FLOT2: variants seen among roughly 807,000 people sequenced by gnomAD.
FLOT2 encodes flotillin-2.
Under a neutral mutation model 54.9 loss-of-function variants are expected in FLOT2, and 35 were observed. The ratio of observed to expected loss-of-function variants is 0.64; its 90% CI spans 0.49 to 0.84. The LOEUF (loss-of-function observed/expected upper bound fraction) is 0.84. Ranked by LOEUF, FLOT2 falls within the 40% of genes least tolerant of loss-of-function variation. FLOT2 has a pLI of 0.00. For synonymous variants in FLOT2, 207 were observed against 228.9 expected (o/e 0.90, Z 0.86); for missense variants, 464 against 572.1 (o/e 0.81, Z 1.93).
In FLOT2 at chr17:28,883,951, G is replaced by T. The variant is rs1390168949; in HGVS notation, c.222+274C>A. 6.6e-6 allele frequency among the ~76,000 whole-genome samples: 1 copy of T among 152,202 alleles called. No homozygotes were observed. The highest frequency in any genetic ancestry group is 1.5e-5 in the Non-Finnish European group (1 of 68,038). Reference sequence around the variant, plus strand: ...CAACACCTGCAAAGAATGGGGGTGGGGTTAGTGAGCCAGGAGCCCTCAGCA... The same window carrying T: ...CAACACCTGCAAAGAATGGGGGTGGTGTTAGTGAGCCAGGAGCCCTCAGCA... On this transcript the variant is annotated intron_variant, in intron 3 of 10. Transcript: ENST00000394908. This position sits in a 1 kb window ranked among gnomAD's most constrained non-coding sequence, Gnocchi z 5.0.
At chr17:28,895,867 CCTT>C (rs941683420) in intron 1 of FLOT2, among the ~76,000 whole-genome samples, 2 of 152,160 alleles carry the variant, frequency 1.3e-5, no homozygotes, top group Non-Finnish European at 2.9e-5. Context: ...TTAGCATCCT[CCTT>C]CTGAAACTGG....
In FLOT2 at chr17:28,883,261, AG is replaced by A; in HGVS notation, c.223-31del. 1 of 1,613,336 alleles carries A rather than the reference AG, an allele frequency of 6.2e-7. No individual in the cohort carries two copies. On this transcript the variant is annotated intron_variant, in intron 3 of 10. Coordinates refer to ENST00000394908, the MANE Select transcript of FLOT2 (RefSeq NM_004475.3). The surrounding 1 kb of genome is among the most constrained non-coding windows in gnomAD (Gnocchi z 5.0). Reference sequence around the variant, plus strand: ...CAGTGACGACAAAGGCGCTTCAGCTAGGCTGGAGCGAGGCAGACAAAGGCCC... The same window carrying A: ...CAGTGACGACAAAGGCGCTTCAGCTAGCTGGAGCGAGGCAGACAAAGGCCC...
chr17:28,886,065 G>GGGC lies in FLOT2; in HGVS notation c.132-1753_132-1751dup, dbSNP rs1555599344. The GGGC allele has an allele frequency of 1.2e-4, 73 of 596,202 alleles. 5 individuals are homozygous for GGGC. In the African/African-American group the frequency reaches 1.4e-3, roughly 11 times the overall value. The allele number at this position is 596,202 out of a possible 1,614,324, so 36.9% of individuals were successfully genotyped here. ...ATGCCTGACGCCTGGGGGCGGGGGG[G>GGGC]GGCATGCTGTCAGTAATCCAACCCC... On this transcript the variant is annotated intron_variant, in intron 2 of 10. Transcript: ENST00000394908.
At position 28,883,568 on chromosome 17, in the gene FLOT2, AG is replaced by A. The variant is rs1429957969; in HGVS notation, c.223-338del. Among the ~76,000 whole-genome samples, 3 of 151,960 alleles carry A rather than the reference AG, an allele frequency of 2.0e-5. No individual in the cohort carries two copies. The highest frequency in any genetic ancestry group is 4.4e-5 in the Non-Finnish European group (3 of 67,968). The stretch of plus-strand genomic sequence containing the variant: ...CTACACGTGGGAGACCCTCAGGCTG[AG>A]GGGCAGAGAGTATGAGAAGCAGAAT... On this transcript the variant is annotated intron_variant, in intron 3 of 10. Transcript: ENST00000394908. The surrounding 1 kb of genome is among the most constrained non-coding windows in gnomAD (Gnocchi z 5.0).
chr17:28,881,009 T>C, intron 9 of FLOT2, 147 bp from the exon 10 acceptor site: 1 of 1,181,462 alleles, frequency 8.5e-7, no homozygotes, highest in Non-Finnish European at 1.2e-6. Flanking sequence ...AGAGACGCCC[T>C]GTGGGCCAGG....
At chr17:28,889,828 C>T (rs994099131) in intron 1 of FLOT2, among the ~76,000 whole-genome samples, 4 of 151,962 alleles carry the variant, frequency 2.6e-5, no homozygotes, top group African/African-American at 9.7e-5. Flanking sequence ...TTAGTAGAGA[C>T]GGGGTTTCAC....
chr17:28,881,553 C>T (rs1178908822), intron 8 of FLOT2, among the ~76,000 whole-genome samples, 178 bp from the exon 9 acceptor site: 4 of 152,242 alleles, frequency 2.6e-5, no homozygotes, highest in African/African-American at 9.6e-5. Flanking sequence ...CACCGGCTCC[C>T]ATCTGTAAGT....
In FLOT2 at chr17:28,897,506, C is replaced by T. The variant is rs780848365; in HGVS notation, c.49+20G>A. 6.9e-6 allele frequency: 11 copies of T among 1,601,288 alleles called. No homozygotes were observed. The highest frequency in any genetic ancestry group is 1.7e-4 in the Middle Eastern group (1 of 6,002). On this transcript the variant is annotated intron_variant, in intron 1 of 10. Coordinates refer to ENST00000394908, the MANE Select transcript of FLOT2 (RefSeq NM_004475.3). This position sits in a 1 kb window ranked among gnomAD's most constrained non-coding sequence, Gnocchi z 4.4. The stretch of plus-strand genomic sequence containing the variant: ...CCCGAGCACCCTCCACAGCTCCCAC[C>T]TTCCTCGCCGCCCCCTCACCTGAAA...
chr17:28,894,376 C>A (rs1034524968), intron 1 of FLOT2, among the ~76,000 whole-genome samples: 9 of 152,066 alleles, frequency 5.9e-5, no homozygotes, highest in Admixed American at 4.6e-4. Flanking sequence ...GTAATCCCAG[C>A]ACTTTGGGAG....
rs1480910924 is a variant in FLOT2, at chr17:28,879,730, G to T, written c.*831C>A. 1 of 985,936 alleles carries T rather than the reference G, an allele frequency of 1.0e-6. No homozygotes were observed. The highest frequency in any genetic ancestry group is 1.2e-6 in the Non-Finnish European group (1 of 830,120). 61.1% of individuals were successfully genotyped at this position (985,936 alleles called of 1,614,324 possible). ...GACAGTGCAGCCCTAGCAGGAAGAA[G>T]GTCTACACACTTTTCTGTCCCCAAC... is the stretch of plus-strand genomic sequence containing the variant. On this transcript the variant is annotated 3_prime_UTR_variant, in exon 11 of 11. Transcript: ENST00000394908.
Position 28,896,783 on chromosome 17 carries a change from C to A in FLOT2, c.49+743G>T, listed in dbSNP as rs1598105848. 2.0e-5 allele frequency among the ~76,000 whole-genome samples: 3 copies of A among 152,336 alleles called. No individual in the cohort carries two copies. The Middle Eastern group carries it at 0.01, about 518-fold the overall frequency. The stretch of plus-strand genomic sequence containing the variant: ...GCACCAGGACCCCCGTCCCCCAGCT[C>A]CTGAGAGCAAGGAGCTGCACAACCC... On this transcript the variant is annotated intron_variant, in intron 1 of 10. Transcript: ENST00000394908.
chr17:28,897,704 C>A lies in FLOT2; in HGVS notation c.-130G>T. The A allele has an allele frequency of 1.3e-6, 1 of 792,306 alleles. No homozygotes were observed. The highest frequency in any genetic ancestry group is 1.7e-6 in the Non-Finnish European group (1 of 583,994). 49.1% of individuals were successfully genotyped at this position (792,306 alleles called of 1,614,324 possible). Reference sequence around the variant, plus strand: ...GGCCGCCCGCTCGCTCGCCCGCGCCCCTCTGCGGTCGCAGCCCCGCCGGAA... The same window carrying A: ...GGCCGCCCGCTCGCTCGCCCGCGCCACTCTGCGGTCGCAGCCCCGCCGGAA... On this transcript the variant is annotated 5_prime_UTR_variant, in exon 1 of 11. Transcript: ENST00000394908. This position sits in a 1 kb window ranked among gnomAD's most constrained non-coding sequence, Gnocchi z 4.4.
intron 1 of FLOT2, among the ~76,000 whole-genome samples, chr17:28,896,565 T>A (rs1361880744): frequency 2.6e-5 from 4 of 152,202 alleles, no homozygotes; most frequent in Non-Finnish European, 5.9e-5. Context: ...TGTTTTGGAA[T>A]GAAAATTCCC....
chr17:28,895,424 G>A (rs2039725272), intron 1 of FLOT2, among the ~76,000 whole-genome samples: 1 of 151,864 alleles, frequency 6.6e-6, no homozygotes, highest in African/African-American at 2.4e-5. Flanking sequence ...ACTATGCCCG[G>A]CTAATTTTTT....
chr17:28,897,473 G>T lies in FLOT2; in HGVS notation c.49+53C>A, dbSNP rs2039762708. The T allele has an allele frequency of 1.2e-5, 18 of 1,536,206 alleles. No individual in the cohort carries two copies. The highest frequency in any genetic ancestry group is 1.3e-5 in the Non-Finnish European group (15 of 1,128,294). ...TCTTCCCCGTGCACTCCCCAGCCCT[G>T]CACCCACCCCGAGCACCCTCCACAG... On this transcript the variant is annotated intron_variant, in intron 1 of 10. Transcript: ENST00000394908. This position sits in a 1 kb window ranked among gnomAD's most constrained non-coding sequence, Gnocchi z 4.4.
rs1057172559 is a variant in FLOT2 at position 28,886,065 on chromosome 17, G to GGC, written c.132-1751_132-1750insGC. The stretch of plus-strand genomic sequence containing the variant: ...ATGCCTGACGCCTGGGGGCGGGGGG[G>GGC]GGCATGCTGTCAGTAATCCAACCCC... On this transcript the variant is annotated intron_variant, in intron 2 of 10. Coordinates refer to ENST00000394908, the MANE Select transcript of FLOT2 (RefSeq NM_004475.3). 64 of 596,108 alleles carry GGC rather than the reference G, an allele frequency of 1.1e-4. 5 individuals are homozygous for GGC. In the East Asian group the frequency reaches 1.1e-3, roughly 10 times the overall value. 36.9% of individuals were successfully genotyped at this position (596,108 alleles called of 1,614,324 possible).
intron 2 of FLOT2, among the ~76,000 whole-genome samples, chr17:28,887,900 C>T (rs2039576824): frequency 6.6e-6 from 1 of 152,174 alleles, no homozygotes; most frequent in South Asian, 2.1e-4. Flanking sequence ...GCAGCGGTTA[C>T]TGAGAACCAG....
rs1011112680 is a variant in FLOT2 at position 28,897,136 on chromosome 17, C to G, written c.49+390G>C. Among the ~76,000 whole-genome samples, 29 of 152,360 alleles carry G rather than the reference C, an allele frequency of 1.9e-4. No homozygotes were observed. The highest frequency in any genetic ancestry group is 5.8e-4 in the African/African-American group (24 of 41,584). On this transcript the variant is annotated intron_variant, in intron 1 of 10. Transcript: ENST00000394908. The surrounding 1 kb of genome is among the most constrained non-coding windows in gnomAD (Gnocchi z 4.4). ...ACCTGCCCTCCAGGGCTGCGCGACC[C>G]GCCCCCCATCCCGGGCGCTGGAATC...
chr17:28,897,212 C>A lies in FLOT2; in HGVS notation c.49+314G>T, dbSNP rs2039757082. The stretch of plus-strand genomic sequence containing the variant: ...CCACCAGTTCCCTCCCTCCTGGAAC[C>A]CCGCGGCTTCAGTTCGGGACCCCCA... On this transcript the variant is annotated intron_variant, in intron 1 of 10. Transcript: ENST00000394908. The surrounding 1 kb of genome is among the most constrained non-coding windows in gnomAD (Gnocchi z 4.4). Among the ~76,000 whole-genome samples, 1 of 152,260 alleles carries A rather than the reference C, an allele frequency of 6.6e-6. No individual in the cohort carries two copies. Among genetic ancestry groups the A allele is most frequent in the South Asian group, 2.1e-4 (1 of 4,838 alleles).
Sources: allele counts gnomAD v4.1 joint callset (sites outside exome capture counted in the v4.1 genomes callset), GRCh38; gene constraint gnomAD v4.1.1; non-coding constraint Gnocchi (gnomAD v3.1); transcripts MANE v1.5; gene names NCBI Gene and HGNC (gene_info 2026-07-23, HGNC 2026-07-21).